CFAP54: variants seen among roughly 807,000 people sequenced by gnomAD.
CFAP54 encodes the protein cilia- and flagella-associated protein 54.
A neutral mutation model predicts 370.4 loss-of-function variants in CFAP54; 290 were observed. The ratio of observed to expected loss-of-function variants is 0.78; its 90% CI spans 0.71 to 0.86. CFAP54 has a LOEUF of 0.86. Among genes scored for constraint, CFAP54 ranks in the 40% least tolerant of loss-of-function variants. The pLI is 0.00. For synonymous variants in CFAP54, 1,206 were observed against 1,236.5 expected, an observed-to-expected ratio of 0.98 and a Z score of 0.52; for missense variants, 3,399 against 3,528.7, an observed-to-expected ratio of 0.96 and a Z score of 0.93.
Position 96,718,451 on chromosome 12 carries a change from T to C in CFAP54, c.6733T>C (p.Ser2245Pro), listed in dbSNP as rs764694342. The C allele has an allele frequency of 3.9e-6, 6 of 1,521,218 alleles. No individual in the cohort carries two copies. The Admixed American group carries it at 1.0e-4, about 26-fold the overall frequency. The allele number at this position is 1,521,218 out of a possible 1,614,324, so 94.2% of individuals were successfully genotyped here. ...PNLPNLEEIY[S>P]KDDGSSFYNL... ...ATTTTGTGTCTTTATAGAGATATAT[T>C]CAAAGGATGATGGAAGTTCATTTTA... Residue 2245 changes from serine to proline, a missense_variant, in exon 49 of 68, where the codon TCA becomes CCA. Physicochemically the swap from Ser to Pro is moderately conservative, Grantham distance 74. Around this residue, in one of 3 missense-constraint regions of CFAP54, gnomAD observed 2,796 missense variants for 2,869.7 expected, o/e 0.97. Coordinates refer to ENST00000524981, the MANE Select transcript of CFAP54 (RefSeq NM_001306084.2).
chr12:96,538,532 A>G lies in CFAP54; in HGVS notation c.1926+14A>G, dbSNP rs1377817965. Reference sequence around the variant, plus strand: ...AGTACTAACAAAGTATTCCTTTCGCATTCCCTTTCACGTGTTTTTTTTGCT... The same window carrying G: ...AGTACTAACAAAGTATTCCTTTCGCGTTCCCTTTCACGTGTTTTTTTTGCT... On this transcript the variant is annotated intron_variant, in intron 13 of 67. Coordinates refer to ENST00000524981, the MANE Select transcript of CFAP54 (RefSeq NM_001306084.2). 1 of 1,533,262 alleles carries G rather than the reference A, an allele frequency of 6.5e-7. No homozygotes were observed. The highest frequency in any genetic ancestry group is 2.0e-5 in the Admixed American group (1 of 50,752). The allele number at this position is 1,533,262 out of a possible 1,614,324, so 95.0% of individuals were successfully genotyped here.
At chr12:96,555,709 C>CA (rs954769621) in intron 17 of CFAP54, among the ~76,000 whole-genome samples, 2 of 151,192 alleles carry the variant, frequency 1.3e-5, no homozygotes, top group Non-Finnish European at 3.0e-5. Flanking sequence ...TACAAGTATG[C>CA]AAAAAATTAT....
intron 23 of CFAP54, among the ~76,000 whole-genome samples, chr12:96,589,793 C>A (rs976531615): frequency 2.0e-5 from 3 of 152,074 alleles, no homozygotes; most frequent in African/African-American, 7.2e-5. Flanking sequence ...GTCACCCAGG[C>A]TGGAGTGCAG....
chr12:96,734,068 T>A (rs1474888412), intron 50 of CFAP54, among the ~76,000 whole-genome samples: 1 of 148,014 alleles, frequency 6.8e-6, no homozygotes, highest in African/African-American at 2.5e-5. Flanking sequence ...TGTTGTTATT[T>A]TCTTGGTTAG....
chr12:96,554,667 G>A lies in CFAP54; in HGVS notation c.2284-9G>A. ...TATTTCTTTTTATTTCAACTCTGTT[G>A]GACCAAAGCGTACCCACCATATAGA... On this transcript the variant is annotated splice_polypyrimidine_tract_variant and intron_variant, in intron 16 of 67. Transcript: ENST00000524981. 1 of 1,520,992 alleles carries A rather than the reference G, an allele frequency of 6.6e-7. No homozygotes were observed. The highest frequency in any genetic ancestry group is 1.2e-5 in the South Asian group (1 of 81,802). 94.2% of individuals were successfully genotyped at this position (1,520,992 alleles called of 1,614,324 possible). A position where few individuals can be genotyped will look rare whatever the true frequency, so the allele number is the denominator to read the frequency against.
chr12:96,602,910 A>G (rs533473599), intron 26 of CFAP54, among the ~76,000 whole-genome samples: 1 of 152,250 alleles, frequency 6.6e-6, no homozygotes, highest in African/African-American at 2.4e-5. Flanking sequence ...CCCTTTATCC[A>G]ATTTGCCAGT....
At chr12:96,832,050 A>G (rs1592794843) in intron 66 of CFAP54, among the ~76,000 whole-genome samples, 1 of 152,110 alleles carries the variant, frequency 6.6e-6, no homozygotes, top group African/African-American at 2.4e-5. Flanking sequence ...GTGGGAGGTA[A>G]TTGAATCATA....
Position 96,665,849 on chromosome 12 carries a change from TG to T in CFAP54, c.5563+1918del, listed in dbSNP as rs1185992424. Among the ~76,000 whole-genome samples, 5 of 152,338 alleles carry T rather than the reference TG, an allele frequency of 3.3e-5. No homozygotes were observed. In the East Asian group the frequency reaches 9.6e-4, roughly 29 times the overall value. ...GTTTTCAAATAGGTTTTTCTTATTC[TG>T]TGAAGAATCTCAATGGTAGTTCAAT... On this transcript the variant is annotated intron_variant, in intron 39 of 67. Coordinates refer to ENST00000524981, the MANE Select transcript of CFAP54 (RefSeq NM_001306084.2).
intron 26 of CFAP54, among the ~76,000 whole-genome samples, chr12:96,610,398 A>G (rs1565913279): frequency 6.7e-6 from 1 of 148,954 alleles, no homozygotes; most frequent in Non-Finnish European, 1.5e-5. Flanking sequence ...CAAAAGATAA[A>G]CAGGGAGTTA....
At position 96,658,205 on chromosome 12, in the gene CFAP54, G is replaced by A; in HGVS notation, c.5325-6G>A. 1.2e-6 allele frequency: 2 copies of A among 1,610,244 alleles called. No individual in the cohort carries two copies. The highest frequency in any genetic ancestry group is 2.2e-5 in the South Asian group (2 of 89,960). Reference sequence around the variant, plus strand: ...TCTTTTTAATGTATTCTTTACCCCTGTCTAGTGAGAGGTATACAGAACAAG... The same window carrying A: ...TCTTTTTAATGTATTCTTTACCCCTATCTAGTGAGAGGTATACAGAACAAG... On this transcript the variant is annotated splice_polypyrimidine_tract_variant and splice_region_variant and intron_variant, in intron 37 of 67. Coordinates refer to ENST00000524981, the MANE Select transcript of CFAP54 (RefSeq NM_001306084.2).
intron 66 of CFAP54, among the ~76,000 whole-genome samples, chr12:96,845,885 T>A (rs1156454315): frequency 1.3e-5 from 2 of 152,228 alleles, no homozygotes. Flanking sequence ...TTAAGGTTTC[T>A]CTTTAATGTA....
At chr12:96,520,835 A>G (rs17316068) in intron 6 of CFAP54, among the ~76,000 whole-genome samples, 20,856 of 152,240 alleles carry the variant, frequency 0.14, 1,540 homozygotes, top group Middle Eastern at 0.19. Flanking sequence ...TAACGACCAT[A>G]AATAAATCAT....
intron 50 of CFAP54, among the ~76,000 whole-genome samples, chr12:96,730,466 A>T (rs918391708): frequency 1.3e-5 from 2 of 152,256 alleles, no homozygotes; most frequent in African/African-American, 4.8e-5. Flanking sequence ...TAGGAAGGAT[A>T]GAAGAGAATC....
rs534383757 is a variant in CFAP54, at chr12:96,564,750, A to C, written c.2604A>C (p.Ser868=). 837 of 619,232 alleles carry C rather than the reference A, an allele frequency of 1.4e-3. 19 individuals are homozygous for C. The South Asian group carries it at 0.016, about 12-fold the overall frequency. The allele number at this position is 619,232 out of a possible 1,614,324, so 38.4% of individuals were successfully genotyped here. ...IFEKDATSTS[S]WELLMEAYSL... ...AGAAAGATGCAACTTCTACATCTTC[A>C]TGGGAACTTTTGATGGTAACAGTAT... Residue 868 remains serine (S), a synonymous_variant, in exon 19 of 68, where the codon TCA becomes TCC. Coordinates refer to ENST00000524981, the MANE Select transcript of CFAP54 (RefSeq NM_001306084.2).
At chr12:96,837,721 G>A (rs1959190842) in intron 66 of CFAP54, among the ~76,000 whole-genome samples, 1 of 152,152 alleles carries the variant, frequency 6.6e-6, no homozygotes, top group African/African-American at 2.4e-5. Flanking sequence ...TGATTTCGAG[G>A]CCATTGATTT....
intron 14 of CFAP54, among the ~76,000 whole-genome samples, chr12:96,547,336 G>A (rs993445276): frequency 2.0e-5 from 3 of 152,168 alleles, no homozygotes; most frequent in East Asian, 1.9e-4. Context: ...ACAGGCACGC[G>A]CCACCATGCC....
intron 21 of CFAP54, 77 bp from the exon 22 acceptor site, chr12:96,580,843 G>A: frequency 3.4e-6 from 4 of 1,186,504 alleles, no homozygotes; most frequent in Non-Finnish European, 4.4e-6. Context: ...TTTAATAGAA[G>A]GTTTACTTAA....
At chr12:96,619,901 C>T (rs565671772) in intron 26 of CFAP54, among the ~76,000 whole-genome samples, 1 of 152,326 alleles carries the variant, frequency 6.6e-6, no homozygotes, top group East Asian at 1.9e-4. Context: ...CCTAACCCTA[C>T]CTACCTATTC....
chr12:96,674,069 A>C (rs1957176473), intron 39 of CFAP54, among the ~76,000 whole-genome samples: 1 of 152,166 alleles, frequency 6.6e-6, no homozygotes, highest in South Asian at 2.1e-4. Context: ...TCTGCCTGGG[A>C]TCACTCTCTT....
Sources: allele counts gnomAD v4.1 joint callset (sites outside exome capture counted in the v4.1 genomes callset), GRCh38; gene constraint gnomAD v4.1.1; regional missense constraint gnomAD v4.1.1; transcripts MANE v1.5; gene names NCBI Gene and HGNC (gene_info 2026-07-23, HGNC 2026-07-21).